SRD5A2: variants seen among roughly 807,000 people sequenced by gnomAD.
SRD5A2 encodes the protein 3-oxo-5-alpha-steroid 4-dehydrogenase 2.
In SRD5A2, 30 loss-of-function variants were observed where a neutral mutation model predicts 27.4. The observed-to-expected ratio is 1.10, with a 90% CI of 0.82 to 1.49. The LOEUF is 1.49. SRD5A2 is among the 40% of genes most tolerant of loss of function. The pLI is 0.00. For synonymous variants in SRD5A2, 141 were observed against 133.6 expected, an observed-to-expected ratio of 1.06 and a Z score of -0.38; for missense variants, 348 against 323.4, an observed-to-expected ratio of 1.08 and a Z score of -0.58.
At chr2:31,538,317 C>T (rs1666065904) in intron 1 of SRD5A2, among the ~76,000 whole-genome samples, 1 of 152,180 alleles carries the variant, frequency 6.6e-6, no homozygotes, top group Non-Finnish European at 1.5e-5. Flanking sequence ...ATCTCTCTCT[C>T]TCTCTCATTC....
chr2:31,615,873 G>A, the SRD5A2 span, among the ~76,000 whole-genome samples: 2 of 152,138 alleles, frequency 1.3e-5, no homozygotes, highest in Non-Finnish European at 2.9e-5. Flanking sequence ...TGCAGCCTAG[G>A]GACTTGGTGT....
intron 1 of SRD5A2, among the ~76,000 whole-genome samples, chr2:31,550,546 G>T (rs1302354036): frequency 2.0e-5 from 3 of 151,908 alleles, no homozygotes; most frequent in African/African-American, 7.2e-5. Context: ...TATATAGCAT[G>T]ACCAACTGGA....
the SRD5A2 span, among the ~76,000 whole-genome samples, chr2:31,626,509 T>C: frequency 6.6e-6 from 1 of 152,214 alleles, no homozygotes; most frequent in Non-Finnish European, 1.5e-5. Flanking sequence ...TGAATATCTC[T>C]TATTATTTTG....
the SRD5A2 span, among the ~76,000 whole-genome samples, chr2:31,627,409 G>T: frequency 6.8e-6 from 1 of 147,496 alleles, no homozygotes; most frequent in Admixed American, 7.0e-5. Flanking sequence ...AACAGCTCCT[G>T]TATTCACTGT....
the SRD5A2 span, among the ~76,000 whole-genome samples, chr2:31,646,181 GCA>G: frequency 1.6e-3 from 241 of 151,426 alleles, no homozygotes; most frequent in Non-Finnish European, 2.6e-3. Flanking sequence ...ACACACACAC[GCA>G]CACACACACA....
the SRD5A2 span, among the ~76,000 whole-genome samples, chr2:31,620,214 C>T: frequency 6.6e-6 from 1 of 152,042 alleles, no homozygotes; most frequent in African/African-American, 2.4e-5. Flanking sequence ...CTATTACAAA[C>T]CCACAGAGAA....
chr2:31,605,033 C>T, the SRD5A2 span, among the ~76,000 whole-genome samples: 1 of 151,672 alleles, frequency 6.6e-6, no homozygotes, highest in Admixed American at 6.6e-5. Flanking sequence ...AACACAAGTG[C>T]CAAGAACATA....
At chr2:31,616,224 CTAGGGCAGTGTGG>C in the SRD5A2 span, among the ~76,000 whole-genome samples, 1 of 152,164 alleles carries the variant, frequency 6.6e-6, no homozygotes, top group African/African-American at 2.4e-5. Flanking sequence ...AGAACCTCCA[CTAGGGCAGTGTGG>C]AAAGGGAATG....
the SRD5A2 span, among the ~76,000 whole-genome samples, chr2:31,661,558 TGTG>T: frequency 6.6e-6 from 1 of 152,196 alleles, no homozygotes; most frequent in Non-Finnish European, 1.5e-5. Flanking sequence ...TTTGATCAGA[TGTG>T]TAGAAACACA....
the SRD5A2 span, among the ~76,000 whole-genome samples, chr2:31,627,164 A>C: frequency 2.0e-5 from 3 of 151,966 alleles, no homozygotes; most frequent in Non-Finnish European, 4.4e-5. Context: ...TTATAGTATT[A>C]TCTCATGGTA....
chr2:31,589,274 C>T, the SRD5A2 span, among the ~76,000 whole-genome samples: 3 of 152,226 alleles, frequency 2.0e-5, no homozygotes, highest in African/African-American at 7.2e-5. Context: ...TAGCTGCCAG[C>T]CCCCGGGCCC....
intron 1 of SRD5A2, among the ~76,000 whole-genome samples, chr2:31,578,330 T>C (rs1667001545): frequency 6.8e-6 from 1 of 146,124 alleles, no homozygotes; most frequent in Non-Finnish European, 1.5e-5. Context: ...ATACAACAGT[T>C]TATTATCATA....
chr2:31,541,531 CT>C (rs1666128503), intron 1 of SRD5A2, among the ~76,000 whole-genome samples: 1 of 152,120 alleles, frequency 6.6e-6, no homozygotes. Flanking sequence ...GATGGCCAAA[CT>C]GAACCTTGCA....
intron 1 of SRD5A2, among the ~76,000 whole-genome samples, chr2:31,552,266 C>T (rs72794634): frequency 0.049 from 7,397 of 150,114 alleles, 200 homozygotes; most frequent in Non-Finnish European, 0.062. Context: ...ATAAGAAGAG[C>T]AATTACACTT....
Position 31,529,386 on chromosome 2 carries a change from C to G in SRD5A2, c.619G>C (p.Ala207Pro). Residue 207 changes from alanine to proline, a missense_variant, in exon 4 of 5, where the codon GCC (alanine) becomes CCC (proline). By Grantham distance (27) the Ala-to-Pro change is conservative (BLOSUM62 -1). Coordinates refer to ENST00000622030, the MANE Select transcript of SRD5A2 (RefSeq NM_000348.4). ...GCAAGTGCTGGGAGGGACCAAGTGG[C>G]CAGGGCATAGCCGATCCATTCAATG... ...EIIEWIGYAL[A>P]TWSLPALAFA... 1 of 1,613,914 alleles carries G rather than the reference C, an allele frequency of 6.2e-7. No individual in the cohort carries two copies. The highest frequency in any genetic ancestry group is 1.3e-5 in the African/African-American group (1 of 75,036).
At chr2:31,552,893 C>T (rs1666409183) in intron 1 of SRD5A2, among the ~76,000 whole-genome samples, 1 of 152,008 alleles carries the variant, frequency 6.6e-6, no homozygotes, top group Admixed American at 6.6e-5. Context: ...ATGACACAAT[C>T]AAAGGAAAAA....
chr2:31,582,876 T>C (rs1379544903), upstream of SRD5A2, among the ~76,000 whole-genome samples: 1 of 151,284 alleles, frequency 6.6e-6, no homozygotes, highest in African/African-American at 2.5e-5. Flanking sequence ...CATGATACCA[T>C]ACAGCATTAG....
At chr2:31,623,724 A>T in the SRD5A2 span, among the ~76,000 whole-genome samples, 83 of 152,200 alleles carry the variant, frequency 5.5e-4, no homozygotes, top group African/African-American at 1.9e-3. Context: ...ATTTAGTATG[A>T]TGTTGGCTGT....
chr2:31,644,637 G>C, the SRD5A2 span, among the ~76,000 whole-genome samples: 1 of 152,126 alleles, frequency 6.6e-6, no homozygotes, highest in Non-Finnish European at 1.5e-5. Flanking sequence ...TGTGTGGCCC[G>C]GTTCCTAACA....
Sources: allele counts gnomAD v4.1 joint callset (sites outside exome capture counted in the v4.1 genomes callset), GRCh38; gene constraint gnomAD v4.1.1; transcripts MANE v1.5; gene names NCBI Gene and HGNC (gene_info 2026-07-23, HGNC 2026-07-21).